CNTLN: variants seen among roughly 807,000 people sequenced by gnomAD.
CNTLN encodes the protein centlein, centrosomal protein.
In CNTLN, 212 loss-of-function variants were observed where a neutral mutation model predicts 180.0. The ratio of observed to expected loss-of-function variants is 1.18; its 90% confidence interval spans 1.05 to 1.32. The LOEUF is 1.32. CNTLN is among the 40% of genes most tolerant of loss of function. CNTLN has a pLI of 0.00. For missense variants in CNTLN, 2,095 were observed against 1,610.9 expected, an observed-to-expected ratio of 1.30 and a Z score of -5.14; for synonymous variants, 722 against 563.1, an observed-to-expected ratio of 1.28 and a Z score of -3.99.
In CNTLN at chr9:17,277,067, G is replaced by GGTTCTACA. The variant is rs1828359564; in HGVS notation, c.983+3201_983+3202insGTTCTACA. Among the ~76,000 whole-genome samples, 6 of 75,564 alleles carry GGTTCTACA rather than the reference G, an allele frequency of 7.9e-5. 1 individual carries two copies. Among genetic ancestry groups the GGTTCTACA allele is most frequent in the African/African-American group, 1.1e-4 (2 of 18,404 alleles). 49.6% of individuals were successfully genotyped at this position (75,564 alleles called of 152,430 possible). A position where few individuals can be genotyped will look rare whatever the true frequency, so the allele number is the denominator to read the frequency against. On this transcript the variant is annotated intron_variant, in intron 6 of 25. Coordinates refer to ENST00000380647, the MANE Select transcript of CNTLN (RefSeq NM_017738.4). Reference sequence around the variant, plus strand: ...ACCAAAACTTTTACCTGATGGTAATGATGGAGCTACTGTTTCTGTATGGAT... The same window carrying GGTTCTACA: ...ACCAAAACTTTTACCTGATGGTAATGGTTCTACAATGGAGCTACTGTTTCTGTATGGAT...
chr9:17,274,806 G>A (rs1490916594), intron 6 of CNTLN, among the ~76,000 whole-genome samples: 1 of 152,030 alleles, frequency 6.6e-6, no homozygotes, highest in African/African-American at 2.4e-5. Flanking sequence ...TCAAGTTAGT[G>A]CTGTTTATGA....
intron 5 of CNTLN, among the ~76,000 whole-genome samples, chr9:17,246,396 A>G (rs891627211): frequency 1.3e-5 from 2 of 152,132 alleles, no homozygotes; most frequent in Non-Finnish European, 2.9e-5. Context: ...TTTCCCTGAA[A>G]CAAATGGAAT....
At chr9:17,490,558 G>A (rs1242854317) in intron 25 of CNTLN, among the ~76,000 whole-genome samples, 1 of 151,972 alleles carries the variant, frequency 6.6e-6, no homozygotes, top group Non-Finnish European at 1.5e-5. Flanking sequence ...TAGACAGTAT[G>A]TTTGTGGTTG....
intron 16 of CNTLN, among the ~76,000 whole-genome samples, chr9:17,411,806 C>T (rs1000346365): frequency 2.0e-5 from 3 of 152,084 alleles, no homozygotes; most frequent in Non-Finnish European, 4.4e-5. Flanking sequence ...ACCCCCTATC[C>T]ATGCAAAAAT....
At chr9:17,472,333 ACAT>A (rs1008906786) in intron 23 of CNTLN, among the ~76,000 whole-genome samples, 16 of 152,258 alleles carry the variant, frequency 1.1e-4, no homozygotes, top group Admixed American at 1.0e-3. Flanking sequence ...GCCAATTGGA[ACAT>A]ATTAGAGTCA....
chr9:17,403,914 T>A (rs1387951550), intron 15 of CNTLN, among the ~76,000 whole-genome samples: 1 of 151,792 alleles, frequency 6.6e-6, no homozygotes. Context: ...TAGCTGGGGC[T>A]AGAGATGTGT....
chr9:17,184,844 A>T (rs946567082), intron 2 of CNTLN, among the ~76,000 whole-genome samples: 12 of 152,208 alleles, frequency 7.9e-5, no homozygotes, highest in Admixed American at 2.0e-4. Context: ...CAAAAATTTG[A>T]AATGGTGGAG....
chr9:17,298,859 G>T, intron 7 of CNTLN: 2 of 985,420 alleles, frequency 2.0e-6, no homozygotes, highest in Non-Finnish European at 2.4e-6. Flanking sequence ...TTACTTTACA[G>T]TTGTTTTAGG....
intron 2 of CNTLN, among the ~76,000 whole-genome samples, chr9:17,183,823 C>A (rs1444101529): frequency 1.3e-5 from 2 of 152,014 alleles, no homozygotes; most frequent in Non-Finnish European, 2.9e-5. Flanking sequence ...CTTTTCTTAT[C>A]CCAAAGGCAT....
chr9:17,163,776 C>G (rs949546541), intron 2 of CNTLN, among the ~76,000 whole-genome samples: 2 of 152,068 alleles, frequency 1.3e-5, no homozygotes, highest in African/African-American at 4.8e-5. Context: ...GCCTGTAATC[C>G]CAGCACTTTG....
At chr9:17,276,301 CTG>C (rs1256110871) in intron 6 of CNTLN, among the ~76,000 whole-genome samples, 1 of 151,980 alleles carries the variant, frequency 6.6e-6, no homozygotes, top group Non-Finnish European at 1.5e-5. Flanking sequence ...GTTGGATATA[CTG>C]TGTGTCTTGT....
intron 13 of CNTLN, among the ~76,000 whole-genome samples, chr9:17,374,616 T>G (rs1449517761): frequency 6.6e-6 from 1 of 152,092 alleles, no homozygotes; most frequent in Non-Finnish European, 1.5e-5. Flanking sequence ...ATCCCACACT[T>G]TGGGAGGCTG....
At chr9:17,489,157 C>T (rs962766066) in intron 25 of CNTLN, among the ~76,000 whole-genome samples, 13 of 151,414 alleles carry the variant, frequency 8.6e-5, no homozygotes, top group Admixed American at 2.6e-4. Context: ...GCCTACTTTT[C>T]TTCTCTCTCA....
chr9:17,527,659 A>G, the CNTLN span, among the ~76,000 whole-genome samples: 2 of 152,158 alleles, frequency 1.3e-5, no homozygotes, highest in Non-Finnish European at 2.9e-5. Flanking sequence ...CAGCTGAGAC[A>G]GCCTGGAGGT....
chr9:17,201,044 G>A (rs1822489026), intron 2 of CNTLN, among the ~76,000 whole-genome samples: 1 of 152,024 alleles, frequency 6.6e-6, no homozygotes, highest in Non-Finnish European at 1.5e-5. Context: ...AACATGAAGG[G>A]ATGTTGAATT....
intron 10 of CNTLN, among the ~76,000 whole-genome samples, chr9:17,339,939 A>C (rs1296180995): frequency 6.6e-6 from 1 of 152,134 alleles, no homozygotes; most frequent in Non-Finnish European, 1.5e-5. Context: ...GGATCATTTG[A>C]TACCAGGAGT....
intron 2 of CNTLN, among the ~76,000 whole-genome samples, chr9:17,217,494 G>A (rs763872378): frequency 1.3e-5 from 2 of 152,220 alleles, no homozygotes; most frequent in Non-Finnish European, 2.9e-5. Flanking sequence ...GGCTGCTCAG[G>A]ACACAGTTTG....
chr9:17,243,387 G>A (rs1207616549), intron 5 of CNTLN, among the ~76,000 whole-genome samples: 1 of 151,912 alleles, frequency 6.6e-6, no homozygotes, highest in African/African-American at 2.4e-5. Context: ...TGCTTTTCTA[G>A]TTCTTTAGGA....
At chr9:17,348,372 A>G (rs1822083389) in intron 12 of CNTLN, among the ~76,000 whole-genome samples, 1 of 152,048 alleles carries the variant, frequency 6.6e-6, no homozygotes, top group Non-Finnish European at 1.5e-5. Context: ...TGCCTGAGGG[A>G]GAAGGTCACG....
Sources: allele counts gnomAD v4.1 joint callset (sites outside exome capture counted in the v4.1 genomes callset), GRCh38; gene constraint gnomAD v4.1.1; transcripts MANE v1.5; gene names NCBI Gene and HGNC (gene_info 2026-07-23, HGNC 2026-07-21).